The following AMDHD1 variants were observed in gnomAD, a reference collection of about 807,000 sequenced individuals.
The protein encoded by AMDHD1 is amidohydrolase domain containing 1.
In AMDHD1, 45 loss-of-function variants were observed where a neutral mutation model predicts 44.1. The observed-to-expected ratio is 1.02, with a 90% confidence interval of 0.80 to 1.31. The LOEUF (loss-of-function observed/expected upper bound fraction) is 1.31, where lower values mean the gene tolerates loss of function less well. Ranked by LOEUF, AMDHD1 falls within the 50% of genes most tolerant of loss-of-function variation. The probability of loss-of-function intolerance (pLI) is 0.00; values close to 1 mark genes in which losing one functional copy is unlikely to be tolerated. For synonymous variants in AMDHD1, 206 were observed against 205.0 expected (o/e 1.00, Z -0.04); for missense variants, 586 against 552.1 (o/e 1.06, Z -0.61).
At chr12:95,954,845 T>C in intron 2 of AMDHD1, 66 bp from the exon 3 acceptor site, 2 of 1,471,176 alleles carry the variant, frequency 1.4e-6, no homozygotes, top group Non-Finnish European at 1.9e-6. Flanking sequence ...ATAGTGCTGC[T>C]GTTTGCCTGC....
chr12:95,956,618 G>T, intron 3 of AMDHD1, 67 bp from the exon 4 acceptor site: 1 of 1,579,170 alleles, frequency 6.3e-7, no homozygotes, highest in Admixed American at 1.7e-5. Flanking sequence ...GCCCCTGGAA[G>T]TAGATTCTTC....
At chr12:95,951,907 T>C (rs944889973) in intron 1 of AMDHD1, among the ~76,000 whole-genome samples, 10 of 152,226 alleles carry the variant, frequency 6.6e-5, no homozygotes, top group Admixed American at 4.6e-4. Flanking sequence ...TTCAGATCTT[T>C]TGTCCATTTC....
In AMDHD1 at chr12:95,954,952, A is replaced by G. The variant is rs1221470962; in HGVS notation, c.286A>G (p.Arg96Gly). The G allele has an allele frequency of 6.2e-7, 1 of 1,614,198 alleles. No individual in the cohort carries two copies. The highest frequency in any genetic ancestry group is 2.2e-5 in the East Asian group (1 of 44,882). Reference sequence around the variant, plus strand: ...CACACATCCAGTATGGGCTGGTGAAAGAGTTCACGAATTTGCAATGAAGGT... The same window carrying G: ...CACACATCCAGTATGGGCTGGTGAAGGAGTTCACGAATTTGCAATGAAGGT... ...AHTHPVWAGE[R>G]VHEFAMKLAG... Residue 96 changes from arginine (R) to glycine (G), a missense_variant, in exon 3 of 9, where the codon AGA becomes GGA. Coordinates refer to ENST00000266736, the MANE Select transcript of AMDHD1 (RefSeq NM_152435.3).
In AMDHD1 at chr12:95,956,925, A is replaced by C; in HGVS notation, c.550A>C (p.Ile184Leu). ...CGCCCGGCGGGAGCTGGACATCGGC[A>C]TCTCGGCTACCTACTGCGGGGCTCA... Reference protein sequence around the residue: ...ERARRELDIGISATYCGAHSV... With the variant: ...ERARRELDIGLSATYCGAHSV... Residue 184 changes from isoleucine (I) to leucine (L), a missense_variant, in exon 4 of 9, where the codon ATC (isoleucine) becomes CTC (leucine). Physicochemically the swap from Ile to Leu is conservative, Grantham distance 5. Coordinates refer to ENST00000266736, the MANE Select transcript of AMDHD1 (RefSeq NM_152435.3). 1.2e-6 allele frequency: 2 copies of C among 1,612,680 alleles called. No homozygotes were observed. Among genetic ancestry groups the C allele is most frequent in the Non-Finnish European group, 1.7e-6 (2 of 1,179,930 alleles).
intron 7 of AMDHD1, 34 bp from the exon 8 acceptor site, chr12:95,966,314 A>C (rs758734521): frequency 6.2e-7 from 1 of 1,609,704 alleles, no homozygotes; most frequent in East Asian, 2.2e-5. Context: ...GCCATATGTC[A>C]CTTTCCTCCA....
chr12:95,963,618 G>T (rs982850332), intron 6 of AMDHD1, among the ~76,000 whole-genome samples: 4 of 152,146 alleles, frequency 2.6e-5, no homozygotes, highest in Non-Finnish European at 5.9e-5. Context: ...ATCAATAACG[G>T]TTCTTGGTAT....
intron 6 of AMDHD1, among the ~76,000 whole-genome samples, chr12:95,964,951 AG>A (rs1252096623): frequency 5.3e-5 from 8 of 149,818 alleles, no homozygotes; most frequent in African/African-American, 2.0e-4. Flanking sequence ...AAAAAAAAAA[AG>A]AGGGCAAAGG....
chr12:95,965,571 G>GCTT (rs1014551637), intron 6 of AMDHD1, 115 bp from the exon 7 acceptor site: 1 of 581,120 alleles, frequency 1.7e-6, no homozygotes, highest in Non-Finnish European at 3.0e-6. Context: ...TTGAGTTTCT[G>GCTT]CTTCTTCTTC....
chr12:95,958,267 T>C (rs1266254692), intron 4 of AMDHD1, among the ~76,000 whole-genome samples: 2 of 152,074 alleles, frequency 1.3e-5, no homozygotes, highest in African/African-American at 4.8e-5. Context: ...CTATAGTCAC[T>C]TTTTAATGGA....
chr12:95,943,645 A>T, intron 1 of AMDHD1, 110 bp downstream of exon 1: 1 of 1,328,664 alleles, frequency 7.5e-7, no homozygotes, highest in Non-Finnish European at 9.6e-7. Context: ...CCCTGCACAG[A>T]GATACACGGG....
intron 4 of AMDHD1, 150 bp downstream of exon 4, chr12:95,957,112 T>C: frequency 9.1e-7 from 1 of 1,100,784 alleles, no homozygotes; most frequent in East Asian, 2.5e-5. Flanking sequence ...TCCCGCAGAC[T>C]CGGTTTTAGG....
intron 3 of AMDHD1, 71 bp from the exon 4 acceptor site, chr12:95,956,614 G>A (rs2080551102): frequency 6.4e-7 from 1 of 1,572,486 alleles, no homozygotes; most frequent in East Asian, 2.2e-5. Context: ...TATTGCCCCT[G>A]GAAGTAGATT....
At chr12:95,953,104 C>T (rs1260027398) in intron 2 of AMDHD1, among the ~76,000 whole-genome samples, 1 of 152,146 alleles carries the variant, frequency 6.6e-6, no homozygotes, top group African/African-American at 2.4e-5. Context: ...GGTTCCTAAA[C>T]AGGAAACAGA....
At chr12:95,963,772 G>A (rs2080594738) in intron 6 of AMDHD1, among the ~76,000 whole-genome samples, 1 of 152,148 alleles carries the variant, frequency 6.6e-6, no homozygotes, top group African/African-American at 2.4e-5. Context: ...GCTCACGCCT[G>A]TAATCCCAGT....
In AMDHD1 at chr12:95,961,432, T is replaced by C. The variant is rs143387210; in HGVS notation, c.813+809T>C. Among the ~76,000 whole-genome samples, 962 of 152,316 alleles carry C rather than the reference T, an allele frequency of 6.3e-3. 4 individuals are homozygous for C. Among genetic ancestry groups the C allele is most frequent in the South Asian group, 0.013 (61 of 4,826 alleles). On this transcript the variant is annotated intron_variant, in intron 5 of 8. Coordinates refer to ENST00000266736, the MANE Select transcript of AMDHD1 (RefSeq NM_152435.3). ...TGTGTGCCAGGCACTGTTTTAGGCA[T>C]TGAGAAATCAGCAGTAAGACAAAGT... is the stretch of plus-strand genomic sequence containing the variant.
chr12:95,954,902 T>G lies in AMDHD1; in HGVS notation c.245-9T>G. On this transcript the variant is annotated splice_polypyrimidine_tract_variant and intron_variant, in intron 2 of 8. Coordinates refer to ENST00000266736, the MANE Select transcript of AMDHD1 (RefSeq NM_152435.3). ...TTAATTGTAAGATAACTTGATTTAT[T>G]GATTATAGGTTTGGTGGATGCACAC... 1 of 1,613,880 alleles carries G rather than the reference T, an allele frequency of 6.2e-7. No individual in the cohort carries two copies. Among genetic ancestry groups the G allele is most frequent in the South Asian group, 1.1e-5 (1 of 91,042 alleles).
Position 95,954,573 on chromosome 12 carries a change from T to TAAATAAAATAAAATAAAATAAAATA in AMDHD1, c.245-324_245-300dup, listed in dbSNP as rs71435789. On this transcript the variant is annotated intron_variant, in intron 2 of 8. Coordinates refer to ENST00000266736, the MANE Select transcript of AMDHD1 (RefSeq NM_152435.3). ...ACAGAGTGAGAACCTTTCTCAAAAA[T>TAAATAAAATAAAATAAAATAAAATA]AAATAAAATAAAATAAAATAAAATA... Among the ~76,000 whole-genome samples, 885 of 147,174 alleles carry TAAATAAAATAAAATAAAATAAAATA rather than the reference T, an allele frequency of 6.0e-3. 12 individuals carry two copies. The highest frequency in any genetic ancestry group is 0.02 in the African/African-American group (790 of 39,302).
chr12:95,956,780 C>A lies in AMDHD1; in HGVS notation c.405C>A (p.Phe135Leu), dbSNP rs369034222. Residue 135 changes from phenylalanine (F) to leucine (L), a missense_variant, in exon 4 of 9, where the codon TTC becomes TTA. Phe to Leu is a conservative substitution (Grantham distance 22, BLOSUM62 0). Transcript: ENST00000266736. ...GCCAAGCCACAGAGGAGGAGCTGTT[C>A]CGCTCCTTGCAGCAACGGCTCCAGT... is the stretch of plus-strand genomic sequence containing the variant. ...RTRQATEEEL[F>L]RSLQQRLQCM... The A allele has an allele frequency of 6.2e-7, 1 of 1,614,232 alleles. No homozygotes were observed. The highest frequency in any genetic ancestry group is 8.5e-7 in the Non-Finnish European group (1 of 1,180,032).
At position 95,965,803 on chromosome 12, in the gene AMDHD1, T is replaced by G. The variant is rs1420102514; in HGVS notation, c.1032+24T>G. The G allele has an allele frequency of 2.7e-6, 4 of 1,474,678 alleles. No individual in the cohort carries two copies. The African/African-American group carries it at 5.6e-5, about 21-fold the overall frequency. 91.3% of individuals were successfully genotyped at this position (1,474,678 alleles called of 1,614,324 possible). ...TGGTAATTATTTTTTTCATGTACCT[T>G]TCTGAGCAGAGTATCTACCAAGCAT... On this transcript the variant is annotated intron_variant, in intron 7 of 8. Coordinates refer to ENST00000266736, the MANE Select transcript of AMDHD1 (RefSeq NM_152435.3).
Sources: allele counts gnomAD v4.1 joint callset (sites outside exome capture counted in the v4.1 genomes callset), GRCh38; gene constraint gnomAD v4.1.1; transcripts MANE v1.5; gene names NCBI Gene and HGNC (gene_info 2026-07-23, HGNC 2026-07-21).